Variants in PCDH9 observed in about 807,000 individuals in gnomAD.
PCDH9 encodes the protein protocadherin-9.
PCDH9 carries 24 observed loss-of-function variants against 70.6 expected under a neutral mutation model. That is an observed-to-expected ratio of 0.34 (90% CI 0.25 to 0.48). The LOEUF (loss-of-function observed/expected upper bound fraction) is 0.48. Ranked by LOEUF, PCDH9 falls within the 20% of genes least tolerant of loss-of-function variation. The pLI, the probability that PCDH9 is intolerant of heterozygous loss-of-function variation, is 0.99. For synonymous variants in PCDH9, 562 were observed against 558.5 expected (o/e 1.01, Z -0.09); for missense variants, 1,281 against 1,503.6 (o/e 0.85, Z 2.45).
chr13:66,398,982 T>C (rs557674728), intron 4 of PCDH9, among the ~76,000 whole-genome samples: 67 of 152,190 alleles, frequency 4.4e-4, no homozygotes, highest in Non-Finnish European at 7.6e-4. Flanking sequence ...AAAAGCTTTG[T>C]ATTTGGAATT....
At chr13:66,410,202 T>TA (rs531372773) in intron 4 of PCDH9, among the ~76,000 whole-genome samples, 2,140 of 145,124 alleles carry the variant, frequency 0.015, 27 homozygotes, top group Non-Finnish European at 0.024. Context: ...TTCCTTTTTT[T>TA]AAAAAAAAAA....
rs540198977 is a variant in PCDH9, at chr13:67,101,523, ATGTG to A, written c.3036+123878_3036+123881del. Among the ~76,000 whole-genome samples, 507 of 152,316 alleles carry A rather than the reference ATGTG, an allele frequency of 3.3e-3. 4 individuals are homozygous for A. The highest frequency in any genetic ancestry group is 0.011 in the African/African-American group (453 of 41,574). ...TTCTAAATACATGTGGGTTTGTTAT[ATGTG>A]TGTGTGTATCTTTGTATACATACGT... On this transcript the variant is annotated intron_variant, in intron 2 of 4. Coordinates refer to ENST00000377865, the MANE Select transcript of PCDH9 (RefSeq NM_203487.3).
chr13:66,583,179 T>C (rs927589333), intron 4 of PCDH9, among the ~76,000 whole-genome samples: 1 of 151,790 alleles, frequency 6.6e-6, no homozygotes, highest in Admixed American at 6.6e-5. Flanking sequence ...GAAATGAATA[T>C]CCTCTTCAGG....
chr13:66,728,010 T>C (rs1201669323), intron 3 of PCDH9, among the ~76,000 whole-genome samples: 3 of 152,166 alleles, frequency 2.0e-5, no homozygotes, highest in Non-Finnish European at 4.4e-5. Flanking sequence ...TTTCAAAATA[T>C]GTCTCTCCAT....
chr13:66,401,246 G>A (rs375649027), intron 4 of PCDH9, among the ~76,000 whole-genome samples: 23 of 152,220 alleles, frequency 1.5e-4, no homozygotes, highest in African/African-American at 3.6e-4. Flanking sequence ...TTGGGGTGTC[G>A]GGGAAGGGAT....
At chr13:66,354,375 T>C (rs1372403269) in intron 4 of PCDH9, among the ~76,000 whole-genome samples, 1 of 71,470 alleles carries the variant, frequency 1.4e-5, no homozygotes, top group Non-Finnish European at 2.9e-5. Context: ...GTTTTTCAGA[T>C]GAAGGTGATT....
chr13:66,845,695 C>T (rs945227893), intron 3 of PCDH9, among the ~76,000 whole-genome samples: 2 of 152,136 alleles, frequency 1.3e-5, no homozygotes, highest in South Asian at 4.1e-4. Context: ...GCACCTCCCT[C>T]ACTGCAGCTG....
chr13:67,026,289 T>C (rs2084779451), intron 2 of PCDH9, among the ~76,000 whole-genome samples: 5 of 152,174 alleles, frequency 3.3e-5, no homozygotes, highest in African/African-American at 7.2e-5. Flanking sequence ...TCATCAAGGA[T>C]ATTGGTCTAA....
At chr13:67,102,938 A>C (rs952258707) in intron 2 of PCDH9, among the ~76,000 whole-genome samples, 1 of 152,140 alleles carries the variant, frequency 6.6e-6, no homozygotes, top group Admixed American at 6.5e-5. Flanking sequence ...CTCACACATA[A>C]AAATACACTT....
intron 3 of PCDH9, among the ~76,000 whole-genome samples, chr13:66,686,919 G>C (rs1227325073): frequency 6.6e-6 from 1 of 152,132 alleles, no homozygotes; most frequent in Non-Finnish European, 1.5e-5. Context: ...AATCAGAGAA[G>C]GAGACTGAAT....
In PCDH9 at chr13:66,544,108, G is replaced by A. The variant is rs550393266; in HGVS notation, c.3340+87102C>T. On this transcript the variant is annotated intron_variant, in intron 4 of 4. Transcript: ENST00000377865. ...TATCTGATATAAACTTTATACTTAT[G>A]ATATACAGGACCTTTGATGCCTTAT... Among the ~76,000 whole-genome samples, 18 of 152,228 alleles carry A rather than the reference G, an allele frequency of 1.2e-4. No individual in the cohort carries two copies. The East Asian group carries it at 2.3e-3, about 20-fold the overall frequency.
At chr13:67,091,489 C>T (rs185881556) in intron 2 of PCDH9, among the ~76,000 whole-genome samples, 49 of 152,186 alleles carry the variant, frequency 3.2e-4, no homozygotes, top group Non-Finnish European at 5.0e-4. Flanking sequence ...CAATGTTGTT[C>T]TCTTACTGTT....
At chr13:66,478,552 C>T (rs1268202081) in intron 4 of PCDH9, among the ~76,000 whole-genome samples, 1 of 152,106 alleles carries the variant, frequency 6.6e-6, no homozygotes, top group Non-Finnish European at 1.5e-5. Context: ...AGGGAACACA[C>T]AAATGATTTT....
At chr13:66,945,314 A>G (rs1218237937) in intron 2 of PCDH9, among the ~76,000 whole-genome samples, 1 of 152,018 alleles carries the variant, frequency 6.6e-6, no homozygotes, top group Admixed American at 6.6e-5. Context: ...AGTGAGGCAT[A>G]CTATATGAGT....
At chr13:67,186,748 T>C (rs913106530) in intron 2 of PCDH9, among the ~76,000 whole-genome samples, 3 of 152,224 alleles carry the variant, frequency 2.0e-5, no homozygotes, top group Non-Finnish European at 4.4e-5. Flanking sequence ...TAATGTGTAA[T>C]TCATTAGATA....
chr13:66,445,567 T>C (rs811965), intron 4 of PCDH9, among the ~76,000 whole-genome samples: 120,548 of 127,972 alleles, frequency 0.94, 56,934 homozygotes, highest in Non-Finnish European at 0.99. Context: ...AATATATACG[T>C]GTATATATTA....
intron 2 of PCDH9, among the ~76,000 whole-genome samples, chr13:66,921,676 A>C (rs929066375): frequency 1.3e-5 from 2 of 151,372 alleles, no homozygotes; most frequent in African/African-American, 4.8e-5. Context: ...ACTAATACAC[A>C]GGATTTATGT....
chr13:66,330,499 A>T (rs564299677), intron 4 of PCDH9, among the ~76,000 whole-genome samples: 1 of 152,170 alleles, frequency 6.6e-6, no homozygotes, highest in East Asian at 1.9e-4. Context: ...CTTCAACTAT[A>T]GCCCACTGGA....
chr13:66,684,582 C>A (rs1764673380), intron 3 of PCDH9, among the ~76,000 whole-genome samples: 1 of 152,120 alleles, frequency 6.6e-6, no homozygotes, highest in Non-Finnish European at 1.5e-5. Flanking sequence ...GGCACTTCTC[C>A]TTCCTGCCTT....
Sources: gnomAD v4.1 joint callset for allele counts (sites outside exome capture counted in the v4.1 genomes callset) on GRCh38, gnomAD v4.1.1 for gene constraint, MANE v1.5 for transcripts, NCBI Gene and HGNC (gene_info 2026-07-23, HGNC 2026-07-21) for gene names.